GPR158: variants seen among roughly 807,000 people sequenced by gnomAD.
GPR158 encodes G protein-coupled receptor 158.
GPR158 carries 30 observed loss-of-function variants against 78.2 expected under a neutral mutation model. The ratio of observed to expected loss-of-function variants is 0.38; its 90% confidence interval spans 0.29 to 0.52. GPR158 has a LOEUF of 0.52. Ranked by LOEUF, GPR158 falls within the 20% of genes least tolerant of loss-of-function variation. The pLI, the probability that GPR158 is intolerant of heterozygous loss-of-function variation, is 0.83. For synonymous variants in GPR158, 581 were observed against 591.1 expected (o/e 0.98, Z 0.25); for missense variants, 1,463 against 1,523.5 (o/e 0.96, Z 0.66).
chr10:25,599,511 C>G lies in GPR158; in HGVS notation c.*237C>G, dbSNP rs1252904293. On this transcript the variant is annotated 3_prime_UTR_variant, in exon 11 of 11. Coordinates refer to ENST00000376351, the MANE Select transcript of GPR158 (RefSeq NM_020752.3). ...CCTTGGTAACACTAGGAAAATCTTT[C>G]CATTTCAGCATGTTTAAGGAAAATA... 2 of 499,166 alleles carry G rather than the reference C, an allele frequency of 4.0e-6. No homozygotes were observed. Among genetic ancestry groups the G allele is most frequent in the Non-Finnish European group, 3.6e-6 (1 of 280,314 alleles). The allele number at this position is 499,166 out of a possible 1,614,324, so 30.9% of individuals were successfully genotyped here.
intron 1 of GPR158, among the ~76,000 whole-genome samples, chr10:25,216,194 A>G (rs543073715): frequency 7.8e-4 from 118 of 152,234 alleles, no homozygotes; most frequent in African/African-American, 2.6e-3. Flanking sequence ...CTGGTTGTCT[A>G]TTGTTAGAAG....
chr10:25,437,525 C>T (rs560079177), intron 4 of GPR158, among the ~76,000 whole-genome samples: 11 of 152,246 alleles, frequency 7.2e-5, no homozygotes, highest in African/African-American at 2.4e-4. Context: ...TGGGCCCAGT[C>T]CCTATTGGGA....
intron 5 of GPR158, among the ~76,000 whole-genome samples, chr10:25,523,744 T>G (rs528979642): frequency 6.6e-6 from 1 of 152,252 alleles, no homozygotes; most frequent in South Asian, 2.1e-4. Context: ...TGTAGAATAC[T>G]CCTCTAAGAT....
intron 2 of GPR158, among the ~76,000 whole-genome samples, chr10:25,319,824 C>CT (rs1321224122): frequency 2.2e-5 from 3 of 136,340 alleles, no homozygotes; most frequent in African/African-American, 6.9e-5. Context: ...AACACCCCAC[C>CT]CCCCCCAAAA....
intron 5 of GPR158, among the ~76,000 whole-genome samples, chr10:25,516,476 T>A (rs1836176219): frequency 1.3e-5 from 2 of 150,792 alleles, no homozygotes; most frequent in South Asian, 4.2e-4. Context: ...AATGCCTAGG[T>A]TTTCTTCTAG....
chr10:25,348,396 GACACACACACACACACACACACAC>G (rs34088676), intron 2 of GPR158, among the ~76,000 whole-genome samples: 1 of 141,692 alleles, frequency 7.1e-6, no homozygotes, highest in South Asian at 2.3e-4. Context: ...TAGGAAGAAA[GACACACACACACACACACACACAC>G]ACACACACAC....
chr10:25,297,925 A>C (rs1225599554), intron 2 of GPR158, among the ~76,000 whole-genome samples: 1 of 152,224 alleles, frequency 6.6e-6, no homozygotes, highest in African/African-American at 2.4e-5. Context: ...AGCCAGTCAC[A>C]TCTGGGTTCA....
intron 2 of GPR158, among the ~76,000 whole-genome samples, chr10:25,315,209 T>C (rs1191095166): frequency 2.6e-5 from 4 of 152,128 alleles, no homozygotes; most frequent in African/African-American, 9.7e-5. Flanking sequence ...TTACTGAAAG[T>C]GATGTGTTAA....
intron 2 of GPR158, among the ~76,000 whole-genome samples, chr10:25,345,618 T>C (rs1310700609): frequency 1.3e-5 from 2 of 152,024 alleles, no homozygotes. Context: ...AATGTACTGT[T>C]GATGCTATAA....
At chr10:25,203,405 T>C (rs970143825) in intron 1 of GPR158, among the ~76,000 whole-genome samples, 3 of 152,192 alleles carry the variant, frequency 2.0e-5, no homozygotes, top group African/African-American at 4.8e-5. Flanking sequence ...TTTAAGTCTT[T>C]AATCCATCTC....
At chr10:25,540,540 C>T (rs12573482) in intron 5 of GPR158, among the ~76,000 whole-genome samples, 11,010 of 152,004 alleles carry the variant, frequency 0.072, 888 homozygotes, top group East Asian at 0.47. Flanking sequence ...TTGGAACCAA[C>T]CCAAATGTCC....
intron 3 of GPR158, among the ~76,000 whole-genome samples, chr10:25,405,710 A>G (rs1341605630): frequency 2.0e-5 from 3 of 151,788 alleles, no homozygotes; most frequent in African/African-American, 7.3e-5. Flanking sequence ...CTTTAAGTGC[A>G]GTGGTTTAAC....
At chr10:25,574,730 C>G (rs777581873) in intron 7 of GPR158, among the ~76,000 whole-genome samples, 1 of 151,984 alleles carries the variant, frequency 6.6e-6, no homozygotes, top group East Asian at 1.9e-4. Context: ...ACTAAAAATA[C>G]AAAAATTAGC....
intron 6 of GPR158, among the ~76,000 whole-genome samples, chr10:25,560,647 GAATT>G (rs1369035031): frequency 2.6e-5 from 4 of 152,160 alleles, no homozygotes; most frequent in Admixed American, 6.5e-5. Flanking sequence ...TACGCTTTGA[GAATT>G]AAATATTTGT....
chr10:25,512,420 A>G (rs1410748530), intron 5 of GPR158, among the ~76,000 whole-genome samples: 1 of 152,196 alleles, frequency 6.6e-6, no homozygotes, highest in African/African-American at 2.4e-5. Flanking sequence ...TAACAGTTCG[A>G]GGAGCTTTTT....
At chr10:25,367,423 C>G (rs1289441381) in intron 2 of GPR158, among the ~76,000 whole-genome samples, 1 of 151,638 alleles carries the variant, frequency 6.6e-6, no homozygotes, top group Non-Finnish European at 1.5e-5. Context: ...ATACAATAAG[C>G]CCCCCAGTTT....
intron 2 of GPR158, among the ~76,000 whole-genome samples, chr10:25,304,754 A>G (rs775492732): frequency 5.9e-5 from 9 of 152,188 alleles, no homozygotes; most frequent in East Asian, 1.9e-4. Flanking sequence ...AATAAGTATC[A>G]CAGTGAATTG....
intron 2 of GPR158, among the ~76,000 whole-genome samples, chr10:25,293,509 A>G (rs1003753739): frequency 2.6e-5 from 4 of 152,148 alleles, no homozygotes; most frequent in African/African-American, 9.7e-5. Context: ...TTCTATTGTT[A>G]TTGCTGGTGG....
At chr10:25,211,455 G>A (rs958388778) in intron 1 of GPR158, among the ~76,000 whole-genome samples, 4 of 152,170 alleles carry the variant, frequency 2.6e-5, no homozygotes, top group Admixed American at 6.5e-5. Flanking sequence ...GAGCCTACTC[G>A]TGCACAGGAA....
Sources: gnomAD v4.1 joint callset for allele counts (sites outside exome capture counted in the v4.1 genomes callset) on GRCh38, gnomAD v4.1.1 for gene constraint, MANE v1.5 for transcripts, NCBI Gene and HGNC (gene_info 2026-07-23, HGNC 2026-07-21) for gene names.